Variants in DOCK5 observed in about 807,000 individuals in gnomAD.
DOCK5 encodes dedicator of cytokinesis protein 5.
In DOCK5, 142 loss-of-function variants were observed where a neutral mutation model predicts 251.8. The ratio of observed to expected loss-of-function variants is 0.56; its 90% CI spans 0.49 to 0.65. The LOEUF (loss-of-function observed/expected upper bound fraction) is 0.65. Among genes scored for constraint, DOCK5 ranks in the 30% least tolerant of loss-of-function variants. The pLI is 0.00. For missense variants in DOCK5, 2,111 were observed against 2,312.3 expected, an observed-to-expected ratio of 0.91 and a Z score of 1.79; for synonymous variants, 842 against 835.5, an observed-to-expected ratio of 1.01 and a Z score of -0.13.
intron 6 of DOCK5, among the ~76,000 whole-genome samples, chr8:25,294,282 G>C (rs986953205): frequency 3.3e-5 from 5 of 152,198 alleles, no homozygotes; most frequent in Admixed American, 1.3e-4. Flanking sequence ...TGGGTGGCCT[G>C]TGGGTCTGGC....
At chr8:25,188,173 T>C (rs1801480455) in intron 1 of DOCK5, among the ~76,000 whole-genome samples, 1 of 152,192 alleles carries the variant, frequency 6.6e-6, no homozygotes, top group Non-Finnish European at 1.5e-5. Flanking sequence ...CACCCCAATA[T>C]GAGTTGAATT....
At chr8:25,186,730 C>T (rs1233243943) in intron 1 of DOCK5, among the ~76,000 whole-genome samples, 1 of 151,928 alleles carries the variant, frequency 6.6e-6, no homozygotes, top group Non-Finnish European at 1.5e-5. Flanking sequence ...ATGTTATCAA[C>T]TCTAATTTTA....
rs769902227 is a variant in DOCK5, at chr8:25,278,678, T to A, written c.321+13T>A. On this transcript the variant is annotated intron_variant, in intron 5 of 51. Transcript: ENST00000276440. ...AAAGCTCTACGTGGTGAGTTTCCCC[T>A]TGTGGCTTGGAGCCCCAGGGTCACT... 5 of 1,612,748 alleles carry A rather than the reference T, an allele frequency of 3.1e-6. No individual in the cohort carries two copies. In the African/African-American group the frequency reaches 6.7e-5, roughly 22 times the overall value.
chr8:25,392,720 C>A lies in DOCK5; in HGVS notation c.4441-76C>A, dbSNP rs1029353091. 5 of 1,299,850 alleles carry A rather than the reference C, an allele frequency of 3.8e-6. No individual in the cohort carries two copies. In the Admixed American group the frequency reaches 7.8e-5, roughly 20 times the overall value. 80.5% of individuals were successfully genotyped at this position (1,299,850 alleles called of 1,614,324 possible). A position where few individuals can be genotyped will look rare whatever the true frequency, so the allele number is the denominator to read the frequency against. On this transcript the variant is annotated intron_variant, in intron 43 of 51. Coordinates refer to ENST00000276440, the MANE Select transcript of DOCK5 (RefSeq NM_024940.8). ...TGAACCAGGGAGTCTTGCTGTTTTC[C>A]CTGGGAATTGACCAACATTTCATGT...
At chr8:25,306,092 T>G (rs1804915612) in intron 11 of DOCK5, among the ~76,000 whole-genome samples, 1 of 152,170 alleles carries the variant, frequency 6.6e-6, no homozygotes, top group Non-Finnish European at 1.5e-5. Context: ...AATTATTTTT[T>G]TAAAATATGG....
intron 2 of DOCK5, among the ~76,000 whole-genome samples, chr8:25,256,771 A>C (rs1803430190): frequency 6.6e-6 from 1 of 152,038 alleles, no homozygotes; most frequent in Admixed American, 6.6e-5. Flanking sequence ...AATTTGGGTA[A>C]CTTTTGAGTT....
intron 1 of DOCK5, among the ~76,000 whole-genome samples, chr8:25,242,737 A>T (rs2117544724): frequency 6.6e-6 from 1 of 152,260 alleles, no homozygotes. Flanking sequence ...AGCCCTAAAG[A>T]CTGTGGTGGC....
At chr8:25,389,258 C>G in intron 41 of DOCK5, 26 bp downstream of exon 41, 2 of 1,608,640 alleles carry the variant, frequency 1.2e-6, no homozygotes, top group Non-Finnish European at 1.7e-6. Context: ...GGAGTATGGC[C>G]CCGAGGCTCT....
intron 47 of DOCK5, 46 bp downstream of exon 47, chr8:25,401,112 G>T: frequency 6.3e-7 from 1 of 1,599,324 alleles, no homozygotes; most frequent in South Asian, 1.1e-5. Flanking sequence ...TAGGCTCTGT[G>T]ACCTTTTATG....
At chr8:25,368,305 C>A in intron 32 of DOCK5, 55 bp downstream of exon 32, 1 of 1,472,560 alleles carries the variant, frequency 6.8e-7, no homozygotes, top group African/African-American at 1.4e-5. Context: ...ATAAGCATCC[C>A]ACGATAAAGT....
At chr8:25,275,774 C>T (rs763365632) in intron 4 of DOCK5, among the ~76,000 whole-genome samples, 2 of 151,956 alleles carry the variant, frequency 1.3e-5, no homozygotes, top group East Asian at 1.9e-4. Flanking sequence ...AGGCAGAGCT[C>T]GCAGTGAGCT....
At chr8:25,329,144 G>A (rs1461608638) in intron 18 of DOCK5, among the ~76,000 whole-genome samples, 1 of 152,068 alleles carries the variant, frequency 6.6e-6, no homozygotes, top group Admixed American at 6.5e-5. Context: ...CTCTCCTTTA[G>A]GGTAGAAGGC....
intron 13 of DOCK5, among the ~76,000 whole-genome samples, chr8:25,315,379 GC>G (rs1805215912): frequency 6.6e-6 from 1 of 152,000 alleles, no homozygotes. Flanking sequence ...TTCCTCCATT[GC>G]TAATGGTGGG....
intron 1 of DOCK5, among the ~76,000 whole-genome samples, chr8:25,201,290 A>G (rs1801874077): frequency 6.6e-6 from 1 of 152,248 alleles, no homozygotes; most frequent in East Asian, 1.9e-4. Context: ...GTATGATGTA[A>G]TTGTATTATT....
intron 50 of DOCK5, 181 bp from the exon 51 acceptor site, chr8:25,409,918 G>C: frequency 1.8e-6 from 1 of 543,270 alleles, no homozygotes; most frequent in Non-Finnish European, 3.3e-6. Context: ...CTTCTGGCGA[G>C]GGCGTCACCT....
At chr8:25,202,074 T>G (rs2117462505) in intron 1 of DOCK5, among the ~76,000 whole-genome samples, 1 of 152,278 alleles carries the variant, frequency 6.6e-6, no homozygotes, top group East Asian at 1.9e-4. Flanking sequence ...TGGAGCGCAG[T>G]GGCACAATCG....
At chr8:25,329,017 G>A (rs185314629) in intron 18 of DOCK5, among the ~76,000 whole-genome samples, 2 of 152,260 alleles carry the variant, frequency 1.3e-5, no homozygotes, top group African/African-American at 4.8e-5. Flanking sequence ...ATAGTTTATC[G>A]TTTTGCAGTT....
chr8:25,332,646 A>G lies in DOCK5; in HGVS notation c.2045A>G (p.Glu682Gly), dbSNP rs775810122. 12 of 1,612,602 alleles carry G rather than the reference A, an allele frequency of 7.4e-6. No individual in the cohort carries two copies. In the South Asian group the frequency reaches 1.3e-4, roughly 18 times the overall value. The change falls in exon 20 of 52, where the codon GAA (glutamate) becomes GGA (glycine). Residue 682 changes from glutamate (E) to glycine (G), a missense_variant. By Grantham distance (98) the Glu-to-Gly change is moderately conservative. Coordinates refer to ENST00000276440, the MANE Select transcript of DOCK5 (RefSeq NM_024940.8). ...GATGCACTCTTTAACATAATGATGG[A>G]AATGTCAGACAGTGAAACCTATGAC... ...TLDALFNIMM[E>G]MSDSETYDFL... is the part of the protein sequence containing the mutation.
chr8:25,408,122 A>T lies in DOCK5; in HGVS notation c.5233A>T (p.Ile1745Phe). 1 of 1,597,054 alleles carries T rather than the reference A, an allele frequency of 6.3e-7. No homozygotes were observed. Among genetic ancestry groups the T allele is most frequent in the East Asian group, 2.3e-5 (1 of 44,282 alleles). The change falls in exon 49 of 52, where the codon ATT becomes TTT. Residue 1745 changes from isoleucine to phenylalanine, a missense_variant. Around this residue, in one of 3 missense-constraint regions of DOCK5, gnomAD observed 1,717 missense variants for 1,892.4 expected, o/e 0.91. Transcript: ENST00000276440. ...KDWSLSKSQV[I>F]AEKAPEPDLM... is the part of the protein sequence containing the mutation. Reference sequence around the variant, plus strand: ...CTGGAGTCTGAGCAAGTCCCAGGTCATTGCAGAGAAAGCACCAGAACCCGA... The same window carrying T: ...CTGGAGTCTGAGCAAGTCCCAGGTCTTTGCAGAGAAAGCACCAGAACCCGA...
Sources: gnomAD v4.1 joint callset for allele counts (sites outside exome capture counted in the v4.1 genomes callset) on GRCh38, gnomAD v4.1.1 for gene constraint, gnomAD v4.1.1 regional missense constraint, MANE v1.5 for transcripts, NCBI Gene and HGNC (gene_info 2026-07-23, HGNC 2026-07-21) for gene names.